The following ABCA9 variants were observed in gnomAD, a reference collection of about 807,000 sequenced individuals.
The protein encoded by ABCA9 is ATP-binding cassette sub-family A member 9.
Under a neutral mutation model 205.3 loss-of-function variants are expected in ABCA9, and 183 were observed. The ratio of observed to expected loss-of-function variants is 0.89; its 90% CI spans 0.79 to 1.01. The LOEUF (loss-of-function observed/expected upper bound fraction) is 1.01, where lower values mean the gene tolerates loss of function less well. Among genes scored for constraint, ABCA9 ranks in the 50% least tolerant of loss-of-function variants. The pLI is 0.00. For synonymous variants in ABCA9, 651 were observed against 683.3 expected, an observed-to-expected ratio of 0.95 and a Z score of 0.74; for missense variants, 1,805 against 1,912.4, an observed-to-expected ratio of 0.94 and a Z score of 1.05.
chr17:69,045,172 CT>C lies in ABCA9; in HGVS notation c.468del (p.Ala157LeufsTer6). On this transcript the variant is annotated frameshift_variant and splice_region_variant, in exon 4 of 39. Coordinates refer to ENST00000340001, the MANE Select transcript of ABCA9 (RefSeq NM_080283.4). LOFTEE classifies it high-confidence loss of function. ...IPMMKEHRDH[S>X]AHCQAVNEKM... ...AATTTTTTTCTTCTTCAAAAGTTAC[CT>C]GAATGGTCTCTGTGCTCTTTCATCA... 1 of 1,609,570 alleles carries C rather than the reference CT, an allele frequency of 6.2e-7. No homozygotes were observed. The highest frequency in any genetic ancestry group is 8.5e-7 in the Non-Finnish European group (1 of 1,178,540).
At chr17:69,034,608 C>T (rs771502728) in intron 8 of ABCA9, 2 of 152,074 alleles carry the variant, frequency 1.3e-5, no homozygotes, top group Non-Finnish European at 2.9e-5. Context: ...TGGACATTTA[C>T]GTTGTTTTCA....
intron 23 of ABCA9, among the ~76,000 whole-genome samples, chr17:69,008,635 G>A (rs2070255575): frequency 6.6e-6 from 1 of 152,194 alleles, no homozygotes; most frequent in African/African-American, 2.4e-5. Context: ...TGTAAACAGT[G>A]CATTTATCAT....
chr17:69,078,580 T>C, the ABCA9 span: 2 of 154,822 alleles, frequency 1.3e-5, no homozygotes, highest in East Asian at 1.9e-4. Context: ...AAAACCTGTA[T>C]ACCTGTTGTA....
In ABCA9 at chr17:69,020,505, G is replaced by A; in HGVS notation, c.2483C>T (p.Ser828Phe). 6.2e-7 allele frequency: 1 copy of A among 1,614,088 alleles called. No homozygotes were observed. Among genetic ancestry groups the A allele is most frequent in the South Asian group, 1.1e-5 (1 of 91,084 alleles). ...SLVELEQVLS[S>F]FHETRKTISG... ...GATTGTTTTCCTTGTTTCGTGGAAGGAAGACAAAACTTGTTCCAGCTCAAC... is the reference window on the plus strand; with the variant it reads ...GATTGTTTTCCTTGTTTCGTGGAAGAAAGACAAAACTTGTTCCAGCTCAAC... Residue 828 changes from serine (S) to phenylalanine (F), a missense_variant, in exon 19 of 39, where the codon TCC (serine) becomes TTC (phenylalanine). Transcript: ENST00000340001.
intron 5 of ABCA9, among the ~76,000 whole-genome samples, 176 bp from the exon 6 acceptor site, chr17:69,043,891 C>G (rs940179156): frequency 1.3e-5 from 2 of 152,194 alleles, no homozygotes; most frequent in African/African-American, 2.4e-5. Flanking sequence ...GTCGTGACTC[C>G]TTAGAACATC....
chr17:68,990,028 A>G (rs1168356167), intron 29 of ABCA9, 98 bp from the exon 30 acceptor site: 2 of 827,876 alleles, frequency 2.4e-6, no homozygotes, highest in African/African-American at 1.7e-5. Flanking sequence ...ATAAAAAATC[A>G]TGAATCAAAC....
chr17:68,980,255 G>C (rs1448264661), intron 37 of ABCA9, among the ~76,000 whole-genome samples: 1 of 152,130 alleles, frequency 6.6e-6, no homozygotes, highest in Non-Finnish European at 1.5e-5. Context: ...ACACCAGTTA[G>C]AATGGCGATC....
At chr17:69,055,094 T>TA (rs1248659396) in intron 1 of ABCA9, among the ~76,000 whole-genome samples, 1 of 152,064 alleles carries the variant, frequency 6.6e-6, no homozygotes, top group African/African-American at 2.4e-5. Flanking sequence ...AATTGAAGAC[T>TA]AGAACAAAGG....
chr17:69,057,016 GA>G (rs1279304619), intron 1 of ABCA9, among the ~76,000 whole-genome samples: 4 of 152,158 alleles, frequency 2.6e-5, no homozygotes, highest in Admixed American at 1.3e-4. Flanking sequence ...AATTATTGTG[GA>G]ATGGACTGTT....
At chr17:69,030,144 A>T (rs1365558032) in intron 10 of ABCA9, among the ~76,000 whole-genome samples, 1 of 152,208 alleles carries the variant, frequency 6.6e-6, no homozygotes, top group Non-Finnish European at 1.5e-5. Context: ...ATCACAACAA[A>T]CCAGCAGGTA....
the ABCA9 span, among the ~76,000 whole-genome samples, chr17:69,068,418 A>G: frequency 6.6e-6 from 1 of 152,244 alleles, no homozygotes; most frequent in Non-Finnish European, 1.5e-5. Flanking sequence ...GAACTATGCT[A>G]ATGTGAATGC....
intron 1 of ABCA9, among the ~76,000 whole-genome samples, chr17:69,052,404 A>G (rs146284485): frequency 2.4e-4 from 36 of 152,238 alleles, no homozygotes; most frequent in African/African-American, 6.7e-4. Flanking sequence ...TATAACACAT[A>G]CTAGAAGGTA....
intron 29 of ABCA9, among the ~76,000 whole-genome samples, chr17:68,990,441 G>A (rs1276833563): frequency 6.6e-6 from 1 of 152,182 alleles, no homozygotes; most frequent in Non-Finnish European, 1.5e-5. Context: ...GGGTGCAATG[G>A]TGCAAGTATA....
At chr17:68,993,207 T>C in intron 26 of ABCA9, 123 bp from the exon 27 acceptor site, 1 of 733,266 alleles carries the variant, frequency 1.4e-6, no homozygotes, top group Middle Eastern at 2.4e-4. Flanking sequence ...GATGCTCCCT[T>C]GGGTATCATG....
At chr17:69,021,693 C>T (rs2070812343) in intron 18 of ABCA9, 49 bp downstream of exon 18, 6 of 1,248,534 alleles carry the variant, frequency 4.8e-6, no homozygotes, top group Non-Finnish European at 6.7e-6. Flanking sequence ...TCCTTCCTTC[C>T]TTCCTTTCTT....
chr17:69,009,978 C>A (rs957645096), intron 23 of ABCA9, among the ~76,000 whole-genome samples: 10 of 152,042 alleles, frequency 6.6e-5, no homozygotes, highest in African/African-American at 2.2e-4. Context: ...CATATTAAAT[C>A]TTAACTGGGT....
At chr17:69,033,918 A>G (rs756977070) in intron 8 of ABCA9, 45 bp from the exon 9 acceptor site, 1 of 1,403,580 alleles carries the variant, frequency 7.1e-7, no homozygotes, top group Non-Finnish European at 9.9e-7. Context: ...TTAATATGGC[A>G]TTAAGAATTA....
rs760041009 is a variant in ABCA9 at position 68,983,836 on chromosome 17, T to G, written c.4513A>C (p.Ile1505Leu). 1.2e-6 allele frequency: 2 copies of G among 1,614,180 alleles called. No individual in the cohort carries two copies. The highest frequency in any genetic ancestry group is 2.2e-5 in the East Asian group (1 of 44,882). ...CCAAATTTGCTTTTCAGGTGTTGGA[T>G]GGAACCAATACATCTGAAGGTAACA... ...VSGRLRCIGS[I>L]QHLKSKFGKD... is the part of the protein sequence containing the mutation. The change falls in exon 36 of 39, where the codon ATC becomes CTC. Residue 1505 changes from isoleucine (I) to leucine (L), a missense_variant. Transcript: ENST00000340001.
chr17:69,064,973 T>C (rs1386929808), upstream of ABCA9, among the ~76,000 whole-genome samples: 3 of 152,248 alleles, frequency 2.0e-5, no homozygotes, highest in African/African-American at 7.2e-5. Context: ...AAATGTCTTA[T>C]ATTTCTCACT....
Sources: allele counts gnomAD v4.1 joint callset (sites outside exome capture counted in the v4.1 genomes callset), GRCh38; gene constraint gnomAD v4.1.1; transcripts MANE v1.5; gene names NCBI Gene and HGNC (gene_info 2026-07-23, HGNC 2026-07-21).